ADAMTS17: variants seen among roughly 807,000 people sequenced by gnomAD.
ADAMTS17 encodes the protein ADAM metallopeptidase with thrombospondin type 1 motif 17.
ADAMTS17 carries 113 observed loss-of-function variants against 141.5 expected under a neutral mutation model. That is an observed-to-expected ratio of 0.80 (90% confidence interval 0.69 to 0.93). The LOEUF is 0.93. Among genes scored for constraint, ADAMTS17 ranks in the 40% least tolerant of loss-of-function variants. The pLI is 0.00. For missense variants in ADAMTS17, 1,659 were observed against 1,517.9 expected (o/e 1.09, Z -1.54); for synonymous variants, 768 against 630.6 (o/e 1.22, Z -3.27).
chr15:100,111,259 G>T (rs2036762853), intron 13 of ADAMTS17, among the ~76,000 whole-genome samples: 1 of 152,206 alleles, frequency 6.6e-6, no homozygotes, highest in Admixed American at 6.5e-5. Context: ...CAAGTGTACA[G>T]CAAACCCAGG....
At chr15:100,116,764 GC>G in intron 13 of ADAMTS17, 82 bp downstream of exon 13, 5 of 1,595,226 alleles carry the variant, frequency 3.1e-6, no homozygotes, top group East Asian at 2.2e-5. Context: ...GGAAAGGGAT[GC>G]CCCCCGGCTT....
intron 10 of ADAMTS17, among the ~76,000 whole-genome samples, chr15:100,140,452 G>GACACAC (rs140696533): frequency 1.5e-5 from 2 of 131,920 alleles, no homozygotes; most frequent in Non-Finnish European, 3.3e-5. Context: ...CTAACTCCAA[G>GACACAC]ACACACACAC....
chr15:100,209,113 C>CAAAAAAAA (rs60742726), intron 7 of ADAMTS17, among the ~76,000 whole-genome samples: 6 of 96,944 alleles, frequency 6.2e-5, no homozygotes, highest in Non-Finnish European at 9.6e-5. Flanking sequence ...GCCAAGTTAG[C>CAAAAAAAA]AAAAAAAAAA....
At chr15:100,113,118 G>A (rs943595458) in intron 13 of ADAMTS17, among the ~76,000 whole-genome samples, 2 of 152,080 alleles carry the variant, frequency 1.3e-5, no homozygotes, top group African/African-American at 2.4e-5. Context: ...AGTCCCCGGC[G>A]GACAGGCCTC....
At chr15:100,162,503 T>C (rs1179927693) in intron 8 of ADAMTS17, among the ~76,000 whole-genome samples, 1 of 111,590 alleles carries the variant, frequency 9.0e-6, no homozygotes, top group Non-Finnish European at 1.8e-5. Flanking sequence ...ATATACACAT[T>C]ATATGTGTAT....
Position 99,993,803 on chromosome 15 carries a change from A to T in ADAMTS17, c.2797-603T>A, listed in dbSNP as rs1054476070. ...GAATGTCTGAATGCAGACACCAAGA[A>T]TGGTGACAGACGCATGGCCCCTGTG... On this transcript the variant is annotated intron_variant, in intron 19 of 21. Coordinates refer to ENST00000268070, the MANE Select transcript of ADAMTS17 (RefSeq NM_139057.4). The surrounding 1 kb of genome is among the most constrained non-coding windows in gnomAD (Gnocchi z 4.3). Among the ~76,000 whole-genome samples, 2 of 152,196 alleles carry T rather than the reference A, an allele frequency of 1.3e-5. No individual in the cohort carries two copies. Among genetic ancestry groups the T allele is most frequent in the African/African-American group, 4.8e-5 (2 of 41,442 alleles).
At chr15:100,028,083 T>C (rs531762542) in intron 18 of ADAMTS17, among the ~76,000 whole-genome samples, 1 of 152,310 alleles carries the variant, frequency 6.6e-6, no homozygotes, top group East Asian at 1.9e-4. Flanking sequence ...GCCTGGGTGA[T>C]GAGCCATCAG....
intron 7 of ADAMTS17, among the ~76,000 whole-genome samples, chr15:100,221,563 C>T (rs2042135280): frequency 6.6e-6 from 1 of 152,154 alleles, no homozygotes. Context: ...ATACTTCCAC[C>T]TCCCTTTAAT....
At position 100,118,409 on chromosome 15, in the gene ADAMTS17, T is replaced by G. The variant is rs368659628; in HGVS notation, c.1722-1396A>C. On this transcript the variant is annotated intron_variant, in intron 12 of 21. Transcript: ENST00000268070. ...TACCTCATATACACTAGAAAACAGT[T>G]CCCTCCCCCAGGAGAAGAAGAGATC... Among the ~76,000 whole-genome samples, 30 of 152,268 alleles carry G rather than the reference T, an allele frequency of 2.0e-4. 1 individual carries two copies. The highest frequency in any genetic ancestry group is 1.6e-3 in the Admixed American group (25 of 15,304).
In ADAMTS17 at chr15:100,207,741, G is replaced by A. The variant is rs374405995; in HGVS notation, c.1076-8318C>T. The stretch of plus-strand genomic sequence containing the variant: ...GGCAGAGAAGTGCCATCCCTCAGTC[G>A]TTTGACAATGGGGTACACCTTGCAA... On this transcript the variant is annotated intron_variant, in intron 7 of 21. Coordinates refer to ENST00000268070, the MANE Select transcript of ADAMTS17 (RefSeq NM_139057.4). Among the ~76,000 whole-genome samples, 85 of 152,232 alleles carry A rather than the reference G, an allele frequency of 5.6e-4. 1 individual carries two copies. In the South Asian group the frequency reaches 0.016, roughly 29 times the overall value.
At chr15:100,273,330 G>C (rs2043977078) in intron 4 of ADAMTS17, among the ~76,000 whole-genome samples, 1 of 152,046 alleles carries the variant, frequency 6.6e-6, no homozygotes, top group Non-Finnish European at 1.5e-5. Flanking sequence ...ATAATGTCCA[G>C]GGCTATTCTT....
At chr15:100,089,222 A>G (rs9672837) in intron 15 of ADAMTS17, among the ~76,000 whole-genome samples, 10,505 of 125,880 alleles carry the variant, frequency 0.083, 735 homozygotes, top group East Asian at 0.37. Flanking sequence ...GCAGCCAAAA[A>G]ACACATGAAA....
At chr15:100,171,614 G>C (rs2040164124) in intron 8 of ADAMTS17, among the ~76,000 whole-genome samples, 1 of 152,182 alleles carries the variant, frequency 6.6e-6, no homozygotes, top group Non-Finnish European at 1.5e-5. Context: ...AGCAGCCCCA[G>C]TCCTCGCCAG....
intron 18 of ADAMTS17, among the ~76,000 whole-genome samples, chr15:100,037,464 G>T (rs2030846974): frequency 6.6e-6 from 1 of 150,940 alleles, no homozygotes; most frequent in Non-Finnish European, 1.5e-5. Flanking sequence ...AAGCTGGAGT[G>T]CAGTGGCGCA....
chr15:99,975,670 C>T (rs1341328229), intron 21 of ADAMTS17, among the ~76,000 whole-genome samples: 1 of 152,172 alleles, frequency 6.6e-6, no homozygotes, highest in East Asian at 1.9e-4. Flanking sequence ...GGGGTGTGCC[C>T]CATGTGTGCA....
chr15:100,272,135 G>T (rs911831170), intron 4 of ADAMTS17, among the ~76,000 whole-genome samples: 1 of 152,108 alleles, frequency 6.6e-6, no homozygotes, highest in South Asian at 2.1e-4. Flanking sequence ...TTGAAATGAG[G>T]AAGTGTGAGT....
At chr15:100,144,641 G>C (rs1327297558) in intron 10 of ADAMTS17, among the ~76,000 whole-genome samples, 1 of 152,096 alleles carries the variant, frequency 6.6e-6, no homozygotes, top group Non-Finnish European at 1.5e-5. Flanking sequence ...CAGTATGGAA[G>C]AGAATACTAA....
At chr15:100,207,535 C>CAG (rs201010128) in intron 7 of ADAMTS17, among the ~76,000 whole-genome samples, 197 of 152,082 alleles carry the variant, frequency 1.3e-3, no homozygotes, top group East Asian at 0.012. Context: ...ACCTAATGCG[C>CAG]CATGGGCTTG....
intron 7 of ADAMTS17, among the ~76,000 whole-genome samples, chr15:100,228,211 T>C (rs192781254): frequency 2.6e-5 from 4 of 152,340 alleles, no homozygotes; most frequent in Non-Finnish European, 5.9e-5. Flanking sequence ...ACAGTTCGGA[T>C]CCTAGCCTTG....
Sources: gnomAD v4.1 joint callset for allele counts (sites outside exome capture counted in the v4.1 genomes callset) on GRCh38, gnomAD v4.1.1 for gene constraint, Gnocchi (gnomAD v3.1) non-coding constraint, MANE v1.5 for transcripts, NCBI Gene and HGNC (gene_info 2026-07-23, HGNC 2026-07-21) for gene names.